The following CBLN2 variants were observed in gnomAD, a reference collection of about 807,000 sequenced individuals.
CBLN2 encodes the protein cerebellin-2.
In CBLN2, 7 loss-of-function variants were observed where a neutral mutation model predicts 15.0. The observed-to-expected ratio is 0.47, with a 90% CI of 0.27 to 0.88. The LOEUF is 0.88. CBLN2 is among the 40% of genes least tolerant of loss of function. CBLN2 has a pLI of 0.14. For synonymous variants in CBLN2, 149 were observed against 135.2 expected, an observed-to-expected ratio of 1.10 and a Z score of -0.71; for missense variants, 242 against 304.5, an observed-to-expected ratio of 0.79 and a Z score of 1.53.
intron 3 of CBLN2, chr18:72,540,383 T>C (rs2069099967): frequency 6.6e-6 from 1 of 152,186 alleles, no homozygotes. Context: ...CACCCTGCCA[T>C]AGTTTGCTCA....
chr18:72,551,819 A>C (rs574709573), intron 1 of CBLN2, among the ~76,000 whole-genome samples: 1 of 152,350 alleles, frequency 6.6e-6, no homozygotes, highest in African/African-American at 2.4e-5. Context: ...TCATTAAAGA[A>C]ATAAATTGTC....
At chr18:72,553,139 T>C (rs1467967105) in intron 1 of CBLN2, among the ~76,000 whole-genome samples, 1 of 152,262 alleles carries the variant, frequency 6.6e-6, no homozygotes, top group African/African-American at 2.4e-5. Context: ...AGAGGAGGAC[T>C]CACAACAGGA....
chr18:72,630,283 T>A (rs1470515964), intron 1 of CBLN2, among the ~76,000 whole-genome samples: 1 of 152,138 alleles, frequency 6.6e-6, no homozygotes, highest in Non-Finnish European at 1.5e-5. Flanking sequence ...GATTCATGCA[T>A]GAAAACCCAA....
At chr18:72,620,710 C>T (rs1024085556) in intron 1 of CBLN2, 2 of 152,138 alleles carry the variant, frequency 1.3e-5, no homozygotes, top group African/African-American at 4.8e-5. Context: ...GGGACCTACC[C>T]TCGTCTGCCT....
intron 1 of CBLN2, among the ~76,000 whole-genome samples, chr18:72,631,792 A>G (rs2069778617): frequency 6.6e-6 from 1 of 152,144 alleles, no homozygotes; most frequent in Admixed American, 6.6e-5. Flanking sequence ...ACACTCAGGA[A>G]ATACAGTTCA....
At chr18:72,552,765 A>T (rs894936018) in intron 1 of CBLN2, 18 of 152,216 alleles carry the variant, frequency 1.2e-4, no homozygotes, top group African/African-American at 4.3e-4. Flanking sequence ...ATAGTGAGCT[A>T]AATCCCCATC....
chr18:72,621,711 C>T (rs1048164911), intron 1 of CBLN2, among the ~76,000 whole-genome samples: 2 of 152,158 alleles, frequency 1.3e-5, no homozygotes, highest in Non-Finnish European at 2.9e-5. Flanking sequence ...CTCTGGTAAT[C>T]TACTACAGCT....
intron 1 of CBLN2, among the ~76,000 whole-genome samples, chr18:72,626,207 A>C (rs575556143): frequency 6.6e-6 from 1 of 152,140 alleles, no homozygotes; most frequent in Non-Finnish European, 1.5e-5. Flanking sequence ...ACAAAGAAGA[A>C]TAAGAAATGA....
At chr18:72,582,901 T>C (rs2144920366) in intron 1 of CBLN2, among the ~76,000 whole-genome samples, 1 of 152,346 alleles carries the variant, frequency 6.6e-6, no homozygotes, top group Non-Finnish European at 1.5e-5. Context: ...TGTTGCATGC[T>C]ATGTCTAAAT....
At chr18:72,618,972 A>T in intron 1 of CBLN2, 1 of 754,760 alleles carries the variant, frequency 1.3e-6, no homozygotes. Context: ...GTGATGGTGG[A>T]TATGGTGGCA....
chr18:72,628,512 G>A (rs989236783), intron 1 of CBLN2, among the ~76,000 whole-genome samples: 4 of 152,166 alleles, frequency 2.6e-5, no homozygotes, highest in Admixed American at 1.3e-4. Context: ...AGCATTGGAC[G>A]GAGATGGCCC....
At chr18:72,638,495 AC>A (rs1178073308) in exon 1 of CBLN2, 107 of 395,630 alleles carry the variant, frequency 2.7e-4, no homozygotes, top group East Asian at 5.7e-4. Context: ...CCTGTTGTAC[AC>A]TCTTAGAACA....
chr18:72,619,603 T>C (rs2069686111), intron 1 of CBLN2, among the ~76,000 whole-genome samples: 2 of 152,340 alleles, frequency 1.3e-5, no homozygotes, highest in Middle Eastern at 3.4e-3. Context: ...TCCACCTGTA[T>C]AGCTAAGATT....
At chr18:72,581,544 A>T (rs2069405008) in intron 1 of CBLN2, among the ~76,000 whole-genome samples, 1 of 152,162 alleles carries the variant, frequency 6.6e-6, no homozygotes. Context: ...TGTGTCTTGT[A>T]TATGTTAACT....
intron 1 of CBLN2, among the ~76,000 whole-genome samples, chr18:72,631,609 A>C (rs546223626): frequency 6.6e-6 from 1 of 152,238 alleles, no homozygotes; most frequent in South Asian, 2.1e-4. Flanking sequence ...GGAAAATAAC[A>C]GTGTCACATC....
intron 1 of CBLN2, among the ~76,000 whole-genome samples, chr18:72,617,916 C>T (rs2069673544): frequency 1.3e-5 from 2 of 151,828 alleles, no homozygotes; most frequent in African/African-American, 4.8e-5. Context: ...AATAAAATGA[C>T]TGCTTATTCC....
At chr18:72,541,756 C>A in intron 3 of CBLN2, 48 bp downstream of exon 3, 1 of 1,469,318 alleles carries the variant, frequency 6.8e-7, no homozygotes, top group East Asian at 2.5e-5. Context: ...CGCAGGTCCC[C>A]GCCCCTCTCC....
At chr18:72,627,929 T>A (rs889192648) in intron 1 of CBLN2, among the ~76,000 whole-genome samples, 3 of 152,238 alleles carry the variant, frequency 2.0e-5, no homozygotes, top group Non-Finnish European at 4.4e-5. Context: ...AAAATGCCTA[T>A]GGCCAAATTT....
intron 1 of CBLN2, chr18:72,618,477 G>C (rs1346704847): frequency 3.0e-6 from 2 of 667,544 alleles, no homozygotes; most frequent in Admixed American, 3.6e-5. Context: ...GGTGGATGCA[G>C]CCATGAATGC....
Sources: gnomAD v4.1 joint callset for allele counts (sites outside exome capture counted in the v4.1 genomes callset) on GRCh38, gnomAD v4.1.1 for gene constraint, MANE v1.5 for transcripts, NCBI Gene and HGNC (gene_info 2026-07-23, HGNC 2026-07-21) for gene names.